Variants in ADAMTSL1 observed in about 807,000 individuals in gnomAD.
ADAMTSL1 encodes the protein ADAMTS-like protein 1.
ADAMTSL1 carries 126 observed loss-of-function variants against 201.8 expected under a neutral mutation model. The observed-to-expected ratio is 0.62, with a 90% CI of 0.54 to 0.72. The LOEUF (loss-of-function observed/expected upper bound fraction) is 0.72. Ranked by LOEUF, ADAMTSL1 falls within the 30% of genes least tolerant of loss-of-function variation. The pLI is 0.00. For missense variants in ADAMTSL1, 2,679 were observed against 2,277.8 expected (o/e 1.18, Z -3.59); for synonymous variants, 1,121 against 903.4 (o/e 1.24, Z -4.32).
intron 2 of ADAMTSL1, among the ~76,000 whole-genome samples, chr9:18,209,439 G>A (rs1829783754): frequency 6.6e-6 from 1 of 152,032 alleles, no homozygotes; most frequent in Non-Finnish European, 1.5e-5. Context: ...AACACTCATT[G>A]GAGACCTATT....
intron 2 of ADAMTSL1, among the ~76,000 whole-genome samples, chr9:18,219,075 T>C (rs973284006): frequency 6.6e-6 from 1 of 151,854 alleles, no homozygotes; most frequent in Non-Finnish European, 1.5e-5. Flanking sequence ...TTCTCCTTAT[T>C]TTCATTACTC....
At chr9:18,885,681 C>G (rs1423723568) in intron 23 of ADAMTSL1, among the ~76,000 whole-genome samples, 2 of 152,088 alleles carry the variant, frequency 1.3e-5, no homozygotes, top group African/African-American at 4.8e-5. Flanking sequence ...TTTAGGTTAT[C>G]TTTTTAGAAC....
chr9:18,671,223 TAAG>T (rs1049049467), intron 9 of ADAMTSL1, among the ~76,000 whole-genome samples: 3 of 152,170 alleles, frequency 2.0e-5, no homozygotes, highest in African/African-American at 7.2e-5. Flanking sequence ...TTAGGGGTGT[TAAG>T]AAGAAGGAGA....
At chr9:18,647,288 A>G (rs921863394) in intron 7 of ADAMTSL1, among the ~76,000 whole-genome samples, 3 of 149,786 alleles carry the variant, frequency 2.0e-5, no homozygotes, top group African/African-American at 7.4e-5. Context: ...TTTTTTCTTT[A>G]TTAGTCTTCC....
intron 13 of ADAMTSL1, among the ~76,000 whole-genome samples, chr9:18,694,612 C>T (rs1174465905): frequency 6.6e-6 from 1 of 152,188 alleles, no homozygotes; most frequent in African/African-American, 2.4e-5. Context: ...CCATGTGTCA[C>T]ATCCGGGCCA....
chr9:18,623,270 G>T lies in ADAMTSL1; in HGVS notation c.601+901G>T, dbSNP rs542243883. On this transcript the variant is annotated intron_variant, in intron 5 of 28. Coordinates refer to ENST00000380548, the MANE Select transcript of ADAMTSL1 (RefSeq NM_001040272.6). ...AAAAAAAAAAAAAGTGTACTTATTA[G>T]ACATGTACTTGCTGAGAATTTCACA... Among the ~76,000 whole-genome samples, 324 of 151,544 alleles carry T rather than the reference G, an allele frequency of 2.1e-3. 1 individual carries two copies. The highest frequency in any genetic ancestry group is 7.2e-3 in the African/African-American group (296 of 41,326).
chr9:18,423,894 A>C (rs1011457523), intron 2 of ADAMTSL1, among the ~76,000 whole-genome samples: 2 of 152,232 alleles, frequency 1.3e-5, no homozygotes, highest in Non-Finnish European at 2.9e-5. Context: ...TTAGTTTTCC[A>C]GTATGAGATT....
chr9:18,084,995 G>T (rs758958681), intron 1 of ADAMTSL1, among the ~76,000 whole-genome samples: 7 of 152,150 alleles, frequency 4.6e-5, no homozygotes, highest in Non-Finnish European at 1.0e-4. Flanking sequence ...TGACATTTGA[G>T]CAAACCATGT....
chr9:18,077,452 G>C (rs1453521684), intron 1 of ADAMTSL1, among the ~76,000 whole-genome samples: 1 of 152,248 alleles, frequency 6.6e-6, no homozygotes, highest in African/African-American at 2.4e-5. Context: ...TGGCATGGAA[G>C]TCAAGAAGGG....
chr9:18,019,988 A>G (rs999119739), intron 1 of ADAMTSL1, among the ~76,000 whole-genome samples: 1 of 152,024 alleles, frequency 6.6e-6, no homozygotes, highest in African/African-American at 2.4e-5. Flanking sequence ...ATTTACTTCC[A>G]TTTGAACACA....
chr9:18,717,044 CA>C, intron 14 of ADAMTSL1, among the ~76,000 whole-genome samples: 1 of 142,270 alleles, frequency 7.0e-6, no homozygotes, highest in Non-Finnish European at 1.5e-5. Context: ...AATGAGAACA[CA>C]TGGACACAGG....
intron 2 of ADAMTSL1, among the ~76,000 whole-genome samples, chr9:18,293,696 G>A (rs1833362548): frequency 6.6e-6 from 1 of 152,176 alleles, no homozygotes; most frequent in African/African-American, 2.4e-5. Flanking sequence ...CTGCAGGATT[G>A]TATGTGGGCT....
intron 2 of ADAMTSL1, among the ~76,000 whole-genome samples, chr9:18,209,634 T>G (rs1391732959): frequency 6.6e-6 from 1 of 152,198 alleles, no homozygotes; most frequent in Non-Finnish European, 1.5e-5. Flanking sequence ...GTTGATGATC[T>G]TTAAGAAATG....
intron 2 of ADAMTSL1, among the ~76,000 whole-genome samples, chr9:18,227,155 G>C (rs1179076479): frequency 1.3e-5 from 2 of 152,014 alleles, no homozygotes; most frequent in Admixed American, 1.3e-4. Context: ...AACACAAATG[G>C]TTACTTTTCC....
At chr9:17,936,894 A>T (rs770909358) in intron 1 of ADAMTSL1, among the ~76,000 whole-genome samples, 1 of 152,072 alleles carries the variant, frequency 6.6e-6, no homozygotes, top group African/African-American at 2.4e-5. Context: ...GATATTTTCC[A>T]TGTGGCTTTT....
At chr9:18,446,828 A>G (rs974591830) in intron 2 of ADAMTSL1, among the ~76,000 whole-genome samples, 1 of 152,244 alleles carries the variant, frequency 6.6e-6, no homozygotes, top group Non-Finnish European at 1.5e-5. Flanking sequence ...ACCTTGGACC[A>G]TATCCAAAGA....
At chr9:18,243,075 T>TA (rs1265039559) in intron 2 of ADAMTSL1, among the ~76,000 whole-genome samples, 2 of 152,120 alleles carry the variant, frequency 1.3e-5, no homozygotes, top group Non-Finnish European at 2.9e-5. Context: ...CTTTCTGATT[T>TA]AAAATTATAT....
intron 15 of ADAMTSL1, chr9:18,722,908 C>T (rs1817631376): frequency 7.0e-6 from 5 of 712,160 alleles, no homozygotes; most frequent in Non-Finnish European, 1.3e-5. Context: ...CCTGCCCCAC[C>T]TGGTTCCACA....
chr9:18,303,015 A>G (rs1833764054), intron 2 of ADAMTSL1, among the ~76,000 whole-genome samples: 1 of 152,214 alleles, frequency 6.6e-6, no homozygotes, highest in Admixed American at 6.5e-5. Flanking sequence ...ATAAGAAAAG[A>G]TGCAGAGAAA....
Sources: gnomAD v4.1 joint callset for allele counts (sites outside exome capture counted in the v4.1 genomes callset) on GRCh38, gnomAD v4.1.1 for gene constraint, MANE v1.5 for transcripts, NCBI Gene and HGNC (gene_info 2026-07-23, HGNC 2026-07-21) for gene names.